TRIM48: variants seen among roughly 807,000 people sequenced by gnomAD.
TRIM48 encodes tripartite motif containing 48.
A neutral mutation model predicts 29.5 loss-of-function variants in TRIM48; 31 were observed. The ratio of observed to expected loss-of-function variants is 1.05; its 90% CI spans 0.79 to 1.42. The LOEUF (loss-of-function observed/expected upper bound fraction) is 1.42, where lower values mean the gene tolerates loss of function less well. Among genes scored for constraint, TRIM48 ranks in the 40% most tolerant of loss-of-function variants. TRIM48 has a pLI of 0.00. For synonymous variants in TRIM48, 128 were observed against 90.6 expected, an observed-to-expected ratio of 1.41 and a Z score of -2.34; for missense variants, 344 against 265.0, an observed-to-expected ratio of 1.30 and a Z score of -2.07.
chr11:55,269,238 G>C lies in TRIM48; in HGVS notation c.579-4G>C, dbSNP rs761319233. ...ATGTTGTAACTGCAGGTTTTTCCTT[G>C]CAGGAGTGAGTCCGTGCTGCTGCAC... On this transcript the variant is annotated splice_polypyrimidine_tract_variant and splice_region_variant and intron_variant, in intron 4 of 5. Coordinates refer to ENST00000417545, the MANE Select transcript of TRIM48 (RefSeq NM_024114.5). The C allele has an allele frequency of 4.5e-6, 7 of 1,573,026 alleles. 2 individuals carry two copies. Among genetic ancestry groups the C allele is most frequent in the Non-Finnish European group, 1.7e-6 (2 of 1,165,796 alleles).
chr11:55,263,009 T>C (rs1857327711), intron 1 of TRIM48, among the ~76,000 whole-genome samples: 1 of 152,054 alleles, frequency 6.6e-6, no homozygotes, highest in Admixed American at 6.6e-5. Context: ...GGACTTAAAA[T>C]TGCCAAAGAC....
rs762124362 is a variant in TRIM48, at chr11:55,265,533, C to T, written c.460-67C>T. The T allele has an allele frequency of 2.7e-5, 42 of 1,538,828 alleles. 4 individuals are homozygous for T. The highest frequency in any genetic ancestry group is 3.4e-5 in the Non-Finnish European group (39 of 1,132,634). On this transcript the variant is annotated intron_variant, in intron 2 of 5. Transcript: ENST00000417545. ...TTTGTCTCTCATTCTGGGCCCCCTC[C>T]CAATGAAACGGTCTGTATGTTACTT... is the stretch of plus-strand genomic sequence containing the variant.
chr11:55,268,227 T>G, intron 3 of TRIM48, 123 bp from the exon 4 acceptor site: 1 of 903,488 alleles, frequency 1.1e-6, no homozygotes, highest in Non-Finnish European at 1.7e-6. Flanking sequence ...AGAAAATGCT[T>G]TGCAGAAGAG....
In TRIM48 at chr11:55,265,464, G is replaced by A. The variant is rs1426632367; in HGVS notation, c.460-136G>A. 2.0e-5 allele frequency: 29 copies of A among 1,481,798 alleles called. 3 individuals are homozygous for A. In the East Asian group the frequency reaches 3.2e-4, roughly 16 times the overall value. 91.8% of individuals were successfully genotyped at this position (1,481,798 alleles called of 1,614,324 possible). On this transcript the variant is annotated intron_variant, in intron 2 of 5. Transcript: ENST00000417545. The stretch of plus-strand genomic sequence containing the variant: ...TAGCTTCAAACCTCTGAGATTTGAC[G>A]AGGAAGAAGTGAAACAGAAGAAATG...
intron 4 of TRIM48, among the ~76,000 whole-genome samples, chr11:55,268,896 C>T (rs936129782): frequency 2.7e-5 from 4 of 147,916 alleles, no homozygotes; most frequent in Non-Finnish European, 6.0e-5. Context: ...ATGCAGCAGT[C>T]TCCCCAGAAC....
At chr11:55,265,574 T>C in intron 2 of TRIM48, 26 bp from the exon 3 acceptor site, 1 of 1,575,008 alleles carries the variant, frequency 6.3e-7, no homozygotes. Context: ...TCTTCACTGG[T>C]GCTTCAATTT....
chr11:55,265,303 G>A lies in TRIM48; in HGVS notation c.448G>A (p.Glu150Lys). ...ACACTGTCCCGCTGAGTGGGCTGCT[G>A]AGGAACACTGGGTAAGTGATGCCTC... ...HRHCPAEWAAEEHWEKLLKKM... is the reference protein window; with the variant it reads ...HRHCPAEWAAKEHWEKLLKKM... The change falls in exon 2 of 6, where the codon GAG (glutamate) becomes AAG (lysine). Residue 150 changes from glutamate to lysine, a missense_variant. Physicochemically the swap from Glu to Lys is moderately conservative, Grantham distance 56 (BLOSUM62 1). Transcript: ENST00000417545. 1 of 1,582,276 alleles carries A rather than the reference G, an allele frequency of 6.3e-7. No individual in the cohort carries two copies. Among genetic ancestry groups the A allele is most frequent in the Non-Finnish European group, 8.6e-7 (1 of 1,166,084 alleles).
At chr11:55,262,832 G>C (rs1226264593) in intron 1 of TRIM48, among the ~76,000 whole-genome samples, 3 of 152,048 alleles carry the variant, frequency 2.0e-5, no homozygotes, top group East Asian at 3.9e-4. Context: ...GATATAATTT[G>C]ATATGTGATG....
At chr11:55,262,460 A>T in intron 1 of TRIM48, 149 bp downstream of exon 1, 3 of 683,384 alleles carry the variant, frequency 4.4e-6, no homozygotes, top group East Asian at 2.8e-5. Flanking sequence ...AATTATGAGG[A>T]TATTAATTGT....
Position 55,265,768 on chromosome 11 carries a change from T to C in TRIM48, c.555+73T>C, listed in dbSNP as rs1022909920. The stretch of plus-strand genomic sequence containing the variant: ...ATGGGTGACTCTTAAAATAGGAACT[T>C]GATATCAAACCGTAATGTTTCTGGG... On this transcript the variant is annotated intron_variant, in intron 3 of 5. Transcript: ENST00000417545. 2.8e-6 allele frequency: 4 copies of C among 1,422,786 alleles called. No homozygotes were observed. The African/African-American group carries it at 4.5e-5, about 16-fold the overall frequency. 88.1% of individuals were successfully genotyped at this position (1,422,786 alleles called of 1,614,324 possible). A position where few individuals can be genotyped will look rare whatever the true frequency, so the allele number is the denominator to read the frequency against.
chr11:55,266,177 C>T (rs927778757), intron 3 of TRIM48, among the ~76,000 whole-genome samples: 1 of 147,194 alleles, frequency 6.8e-6, no homozygotes, highest in East Asian at 2.2e-4. Context: ...AATTAAGAAT[C>T]CAAACTAATT....
chr11:55,265,735 G>T (rs1454720022), intron 3 of TRIM48, 40 bp downstream of exon 3: 6 of 1,549,022 alleles, frequency 3.9e-6, no homozygotes, highest in Non-Finnish European at 5.3e-6. Context: ...GGAACTTATG[G>T]TGGGCAAATG....
chr11:55,262,229 C>A lies in TRIM48; in HGVS notation c.-39C>A, dbSNP rs369371647. The A allele has an allele frequency of 1.3e-5, 20 of 1,529,780 alleles. No individual in the cohort carries two copies. The highest frequency in any genetic ancestry group is 2.8e-5 in the African/African-American group (2 of 72,516). The allele number at this position is 1,529,780 out of a possible 1,614,324, so 94.8% of individuals were successfully genotyped here. ...TGACCTCTGAAACTCAGTACTGCAG[C>A]GAATGAGCTCCTGACCTTGAGGAGT... On this transcript the variant is annotated 5_prime_UTR_variant, in exon 1 of 6. Transcript: ENST00000417545.
Position 55,265,394 on chromosome 11 carries a change from A to C in TRIM48, c.459+80A>C, listed in dbSNP as rs970735234. The stretch of plus-strand genomic sequence containing the variant: ...GCCCTATTTTCTTGGAGATTGGGTA[A>C]AGCCAACTCTGAGTCCCTTTAAGCA... On this transcript the variant is annotated intron_variant, in intron 2 of 5. Coordinates refer to ENST00000417545, the MANE Select transcript of TRIM48 (RefSeq NM_024114.5). 2.0e-5 allele frequency: 32 copies of C among 1,562,714 alleles called. 2 individuals are homozygous for C. In the Admixed American group the frequency reaches 4.5e-4, roughly 22 times the overall value.
chr11:55,265,418 C>A lies in TRIM48; in HGVS notation c.459+104C>A, dbSNP rs1857377744. 7 of 1,531,698 alleles carry A rather than the reference C, an allele frequency of 4.6e-6. No homozygotes were observed. In the African/African-American group the frequency reaches 5.6e-5, roughly 12 times the overall value. 94.9% of individuals were successfully genotyped at this position (1,531,698 alleles called of 1,614,324 possible). A position where few individuals can be genotyped will look rare whatever the true frequency, so the allele number is the denominator to read the frequency against. On this transcript the variant is annotated intron_variant, in intron 2 of 5. Coordinates refer to ENST00000417545, the MANE Select transcript of TRIM48 (RefSeq NM_024114.5). ...AAAGCCAACTCTGAGTCCCTTTAAGCAACTCTCTTTTGGGCTTTCTTAGCT... is the reference window on the plus strand; with the variant it reads ...AAAGCCAACTCTGAGTCCCTTTAAGAAACTCTCTTTTGGGCTTTCTTAGCT...
rs571754902 is a variant in TRIM48, at chr11:55,264,827, A to T, written c.45-73A>T. On this transcript the variant is annotated intron_variant, in intron 1 of 5. Coordinates refer to ENST00000417545, the MANE Select transcript of TRIM48 (RefSeq NM_024114.5). ...GTCAAGAGAAGAAACTATAGCTATC[A>T]CTTATCTCCACATGTTCAGAAGCTT... 13 of 1,551,272 alleles carry T rather than the reference A, an allele frequency of 8.4e-6. No homozygotes were observed. In the African/African-American group the frequency reaches 1.8e-4, roughly 21 times the overall value.
At position 55,269,874 on chromosome 11, in the gene TRIM48, A is replaced by C. The variant is rs185637515; in HGVS notation, c.*1+535A>C. 1.7e-3 allele frequency among the ~76,000 whole-genome samples: 253 copies of C among 148,206 alleles called. 18 individuals carry two copies. The highest frequency in any genetic ancestry group is 5.9e-3 in the African/African-American group (238 of 40,606). On this transcript the variant is annotated intron_variant, in intron 5 of 5. Coordinates refer to ENST00000417545, the MANE Select transcript of TRIM48 (RefSeq NM_024114.5). The stretch of plus-strand genomic sequence containing the variant: ...ACAAAAAGAAGTTCAGTTTAATTGC[A>C]ATATGAAAAGCTACATGTTAAGTCT...
intron 1 of TRIM48, among the ~76,000 whole-genome samples, chr11:55,264,510 C>T (rs1857356394): frequency 6.8e-6 from 1 of 147,894 alleles, no homozygotes; most frequent in African/African-American, 2.5e-5. Flanking sequence ...ATTTCTTTGG[C>T]CAAGACAGTT....
chr11:55,266,906 G>T (rs1857402237), intron 3 of TRIM48, among the ~76,000 whole-genome samples: 1 of 147,400 alleles, frequency 6.8e-6, no homozygotes, highest in African/African-American at 2.5e-5. Context: ...GGAAGGAAAT[G>T]AATTCAGGGA....
Sources: gnomAD v4.1 joint callset for allele counts (sites outside exome capture counted in the v4.1 genomes callset) on GRCh38, gnomAD v4.1.1 for gene constraint, MANE v1.5 for transcripts, NCBI Gene and HGNC (gene_info 2026-07-23, HGNC 2026-07-21) for gene names.